PLCL2: variants seen among roughly 807,000 people sequenced by gnomAD.
PLCL2 encodes phospholipase C like 2.
Under a neutral mutation model 79.6 loss-of-function variants are expected in PLCL2, and 4 were observed. That is an observed-to-expected ratio of 0.05 (90% confidence interval 0.02 to 0.11). The LOEUF is 0.11. PLCL2 is among the 10% of genes least tolerant of loss of function. The pLI is 1.00. For synonymous variants in PLCL2, 484 were observed against 457.7 expected (o/e 1.06, Z -0.73); for missense variants, 895 against 1,291.0 (o/e 0.69, Z 4.70).
intron 1 of PLCL2, among the ~76,000 whole-genome samples, chr3:16,942,878 G>A (rs1259491465): frequency 6.6e-6 from 1 of 152,168 alleles, no homozygotes; most frequent in Admixed American, 6.5e-5. Context: ...CATAGACCAC[G>A]TATCTAAAAA....
chr3:16,906,727 TTGTA>T (rs1417034227), intron 1 of PLCL2, among the ~76,000 whole-genome samples: 9 of 152,368 alleles, frequency 5.9e-5, no homozygotes, highest in African/African-American at 1.9e-4. Flanking sequence ...ATGTAATAAC[TTGTA>T]TGTCTTTTCC....
Position 17,080,241 on chromosome 3 carries a change from T to C in PLCL2, c.3205-9492T>C, listed in dbSNP as rs182773608. The stretch of plus-strand genomic sequence containing the variant: ...TGTGTCCTGTTGCTGTAGGTTTAGG[T>C]GACTGATGATTAGGGAGTCTTTTTT... On this transcript the variant is annotated intron_variant, in intron 5 of 5. Transcript: ENST00000615277. 1.5e-4 allele frequency among the ~76,000 whole-genome samples: 23 copies of C among 152,282 alleles called. 1 individual carries two copies. In the East Asian group the frequency reaches 4.4e-3, roughly 29 times the overall value.
chr3:16,910,668 A>T (rs911576321), intron 1 of PLCL2, among the ~76,000 whole-genome samples: 4 of 150,496 alleles, frequency 2.7e-5, no homozygotes, highest in Non-Finnish European at 4.4e-5. Flanking sequence ...CTCTACCCCG[A>T]CTCTCTTCTA....
At chr3:17,055,217 A>G (rs1280262000) in intron 4 of PLCL2, among the ~76,000 whole-genome samples, 2 of 152,194 alleles carry the variant, frequency 1.3e-5, no homozygotes, top group Non-Finnish European at 2.9e-5. Flanking sequence ...AATCCACAGC[A>G]TCTTTTCTCT....
At chr3:16,987,063 T>C (rs1283242675) in intron 1 of PLCL2, among the ~76,000 whole-genome samples, 1 of 151,676 alleles carries the variant, frequency 6.6e-6, no homozygotes, top group East Asian at 1.9e-4. Context: ...AGACTTTTTT[T>C]TCCTGTACCT....
At position 17,066,999 on chromosome 3, in the gene PLCL2, G is replaced by A. The variant is rs187050631; in HGVS notation, c.3095-957G>A. On this transcript the variant is annotated intron_variant, in intron 4 of 5. Coordinates refer to ENST00000615277, the MANE Select transcript of PLCL2 (RefSeq NM_001144382.2). ...TAGTTTAATTTTGGAATTATGTAAC[G>A]TTTTGATATAATCCATAAAACAAAT... is the stretch of plus-strand genomic sequence containing the variant. 8.1e-4 allele frequency among the ~76,000 whole-genome samples: 124 copies of A among 152,196 alleles called. 1 individual carries two copies. Among genetic ancestry groups the A allele is most frequent in the Non-Finnish European group, 8.8e-4 (60 of 68,008 alleles).
intron 3 of PLCL2, among the ~76,000 whole-genome samples, chr3:17,017,752 G>A (rs2064402571): frequency 6.6e-6 from 1 of 152,190 alleles, no homozygotes; most frequent in South Asian, 2.1e-4. Flanking sequence ...TGAGGACAGT[G>A]CCATGGTACC....
intron 1 of PLCL2, among the ~76,000 whole-genome samples, chr3:16,978,882 A>G (rs189730951): frequency 4.4e-4 from 67 of 152,342 alleles, no homozygotes; most frequent in African/African-American, 1.4e-3. Flanking sequence ...ACTTGTGCTT[A>G]ATTTTCTTTT....
rs1696173859 is a variant in PLCL2 at position 16,885,044 on chromosome 3, C to A, written c.5C>A (p.Ala2Glu). Residue 2 changes from alanine to glutamate, a missense_variant, in exon 1 of 6, where the codon GCG becomes GAG. Transcript: ENST00000615277. ...CAGGCGGGTCGCGGGGCGCCCATGG[C>A]GGAGTGCGGCCGGGGGGGCGCCGCC... M[A>E]ECGRGGAAGG... The A allele has an allele frequency of 5.7e-6, 2 of 353,812 alleles. No homozygotes were observed. The highest frequency in any genetic ancestry group is 4.8e-5 in the Admixed American group (1 of 20,926). 21.9% of individuals were successfully genotyped at this position (353,812 alleles called of 1,614,324 possible). A position where few individuals can be genotyped will look rare whatever the true frequency, so the allele number is the denominator to read the frequency against.
rs1206210490 is a variant in PLCL2, at chr3:17,009,534, G to A, written c.328-140G>A. The A allele has an allele frequency of 5.5e-6, 3 of 543,034 alleles. No individual in the cohort carries two copies. The highest frequency in any genetic ancestry group is 3.7e-5 in the African/African-American group (2 of 53,578). 33.6% of individuals were successfully genotyped at this position (543,034 alleles called of 1,614,324 possible). On this transcript the variant is annotated intron_variant, in intron 1 of 5. Coordinates refer to ENST00000615277, the MANE Select transcript of PLCL2 (RefSeq NM_001144382.2). The surrounding 1 kb of genome is among the most constrained non-coding windows in gnomAD (Gnocchi z 4.0). The stretch of plus-strand genomic sequence containing the variant: ...AATTCTGAGCTTTAGAGATGAATGA[G>A]TATCATTCATCACAGGAATCTAGAA...
chr3:17,045,050 A>T (rs1457084041), intron 4 of PLCL2, among the ~76,000 whole-genome samples: 1 of 152,182 alleles, frequency 6.6e-6, no homozygotes, highest in Non-Finnish European at 1.5e-5. Context: ...TGTTATCCCA[A>T]GTACTTATTT....
At chr3:16,952,360 C>CAAAAAAA (rs35421244) in intron 1 of PLCL2, among the ~76,000 whole-genome samples, 804 of 22,672 alleles carry the variant, frequency 0.035, 161 homozygotes, top group Non-Finnish European at 0.04. Context: ...GAACTTAAAG[C>CAAAAAAA]AAAAAAAAAA....
chr3:16,889,904 G>T (rs899401177), intron 1 of PLCL2, among the ~76,000 whole-genome samples: 1 of 152,056 alleles, frequency 6.6e-6, no homozygotes, highest in Admixed American at 6.6e-5. Flanking sequence ...CAAAGATACC[G>T]CATGCCCAGC....
intron 4 of PLCL2, among the ~76,000 whole-genome samples, chr3:17,057,391 C>T (rs2064902401): frequency 6.6e-6 from 1 of 152,076 alleles, no homozygotes; most frequent in African/African-American, 2.4e-5. Context: ...AGGACTCACT[C>T]GGGGACTCAG....
At position 17,076,237 on chromosome 3, in the gene PLCL2, A is replaced by G. The variant is rs755815843; in HGVS notation, c.3204+8172A>G. Among the ~76,000 whole-genome samples, 6 of 152,068 alleles carry G rather than the reference A, an allele frequency of 3.9e-5. No individual in the cohort carries two copies. In the South Asian group the frequency reaches 1.0e-3, roughly 26 times the overall value. ...ATGGGGGTTGAGCATCTTTGTGTGT[A>G]CGTGAGTTTTAAAAAATATCTGACT... On this transcript the variant is annotated intron_variant, in intron 5 of 5. Transcript: ENST00000615277.
Position 17,011,716 on chromosome 3 carries a change from C to G in PLCL2, c.2370C>G (p.Ile790Met), listed in dbSNP as rs2064324990. Reference protein sequence around the residue: ...DPYVYVEIHGIPADCAEQRTK... With the variant: ...DPYVYVEIHGMPADCAEQRTK... ...ATGTCTATGTTGAAATCCATGGAAT[C>G]CCTGCTGATTGTGCAGAACAAAGGA... Residue 790 changes from isoleucine (I) to methionine (M), a missense_variant, in exon 2 of 6, where the codon ATC becomes ATG. Physicochemically the swap from Ile to Met is conservative, Grantham distance 10. This residue lies in a region of PLCL2 where 298 missense variants were observed against 459.6 expected (regional missense o/e 0.65). Transcript: ENST00000615277. The surrounding 1 kb of genome is among the most constrained non-coding windows in gnomAD (Gnocchi z 7.9). The G allele has an allele frequency of 6.2e-7, 1 of 1,614,034 alleles. No homozygotes were observed. Among genetic ancestry groups the G allele is most frequent in the Non-Finnish European group, 8.5e-7 (1 of 1,179,930 alleles).
chr3:17,029,838 T>A (rs541358939), intron 3 of PLCL2, among the ~76,000 whole-genome samples: 2 of 152,224 alleles, frequency 1.3e-5, no homozygotes, highest in African/African-American at 4.8e-5. Context: ...AGCTCCACCT[T>A]GGGAAATCCT....
intron 1 of PLCL2, among the ~76,000 whole-genome samples, chr3:16,973,706 G>A (rs937386072): frequency 6.6e-6 from 1 of 152,048 alleles, no homozygotes; most frequent in Admixed American, 6.6e-5. Flanking sequence ...TGTGACCTTG[G>A]ACCATTTACT....
intron 1 of PLCL2, among the ~76,000 whole-genome samples, chr3:16,931,158 T>A (rs1229433543): frequency 1.2e-5 from 1 of 85,820 alleles, no homozygotes; most frequent in African/African-American, 4.3e-5. Flanking sequence ...TTGCCATTTA[T>A]TTTTTTTTTT....
Sources: allele counts gnomAD v4.1 joint callset (sites outside exome capture counted in the v4.1 genomes callset), GRCh38; gene constraint gnomAD v4.1.1; regional missense constraint gnomAD v4.1.1; non-coding constraint Gnocchi (gnomAD v3.1); transcripts MANE v1.5; gene names NCBI Gene and HGNC (gene_info 2026-07-23, HGNC 2026-07-21).